The following TVP23A variants were observed in gnomAD, a reference collection of about 807,000 sequenced individuals.
The protein encoded by TVP23A is Golgi apparatus membrane protein TVP23 homolog A.
Under a neutral mutation model 31.7 loss-of-function variants are expected in TVP23A, and 21 were observed. That is an observed-to-expected ratio of 0.66 (90% CI 0.47 to 0.95). TVP23A has a LOEUF of 0.95. Among genes scored for constraint, TVP23A ranks in the 40% least tolerant of loss-of-function variants. The pLI, the probability that TVP23A is intolerant of heterozygous loss-of-function variation, is 0.00. For synonymous variants in TVP23A, 104 were observed against 96.0 expected (o/e 1.08, Z -0.49); for missense variants, 279 against 255.6 (o/e 1.09, Z -0.62).
downstream of TVP23A, chr16:10,761,168 T>G: frequency 2.0e-6 from 1 of 489,350 alleles, no homozygotes; most frequent in Non-Finnish European, 3.7e-6. Flanking sequence ...CCTGTTCCTG[T>G]AGGGATGTAG....
chr16:10,798,554 A>G (rs563816072), intron 2 of TVP23A, among the ~76,000 whole-genome samples: 3 of 152,220 alleles, frequency 2.0e-5, no homozygotes, highest in African/African-American at 7.2e-5. Context: ...ACGTCTCACA[A>G]TGAAGCAGGG....
At chr16:10,803,004 C>A (rs1401742093) in intron 2 of TVP23A, among the ~76,000 whole-genome samples, 1 of 152,092 alleles carries the variant, frequency 6.6e-6, no homozygotes, top group Non-Finnish European at 1.5e-5. Flanking sequence ...AGCTGAGAGG[C>A]TGGACGCAGT....
At position 10,767,982 on chromosome 16, in the gene TVP23A, T is replaced by G. The variant is rs143719398; in HGVS notation, c.*1120A>C. The stretch of plus-strand genomic sequence containing the variant: ...TGTGACAAAGGCCAGTCTTTTTTCA[T>G]TGACGCCCCAGATTCCCCAGCCACG... On this transcript the variant is annotated 3_prime_UTR_variant, in exon 8 of 8. Transcript: ENST00000299866. The surrounding 1 kb of genome is among the most constrained non-coding windows in gnomAD (Gnocchi z 4.6). 128 of 1,614,210 alleles carry G rather than the reference T, an allele frequency of 7.9e-5. No individual in the cohort carries two copies. The African/African-American group carries it at 1.2e-3, about 15-fold the overall frequency.
chr16:10,760,977 C>T (rs1171274838), downstream of TVP23A: 2 of 191,812 alleles, frequency 1.0e-5, no homozygotes, highest in East Asian at 2.8e-4. Context: ...CCCCAGGAAA[C>T]TTAACAATCA....
At chr16:10,764,254 G>C (rs1400858539), downstream of TVP23A, among the ~76,000 whole-genome samples, 1 of 152,282 alleles carries the variant, frequency 6.6e-6, no homozygotes, top group Non-Finnish European at 1.5e-5. Context: ...GCCTGCTGGA[G>C]CACCTCAGTG....
rs531769196 is a variant in TVP23A, at chr16:10,777,867, T to C, written c.90-2771A>G. On this transcript the variant is annotated intron_variant, in intron 2 of 7. Transcript: ENST00000299866. The surrounding 1 kb of genome is among the most constrained non-coding windows in gnomAD (Gnocchi z 4.5). ...CTCTACTAAAAATACAAAAATTAGC[T>C]GAGCGTGGTGGTGGGCGCCTGTAGT... Among the ~76,000 whole-genome samples the C allele has an allele frequency of 2.2e-4, 33 of 151,472 alleles. No homozygotes were observed. Among genetic ancestry groups the C allele is most frequent in the African/African-American group, 4.9e-4 (20 of 41,152 alleles).
chr16:10,789,383 T>C (rs954970879), intron 2 of TVP23A, among the ~76,000 whole-genome samples: 1 of 152,056 alleles, frequency 6.6e-6, no homozygotes, highest in African/African-American at 2.4e-5. Context: ...CTCTAAAACA[T>C]TTGATGAGAT....
chr16:10,791,460 T>G (rs1023834003), intron 2 of TVP23A, among the ~76,000 whole-genome samples: 1 of 152,262 alleles, frequency 6.6e-6, no homozygotes, highest in African/African-American at 2.4e-5. Context: ...AAGAGCAGCC[T>G]GTAAAATCCA....
chr16:10,815,042 A>G, intron 2 of TVP23A, among the ~76,000 whole-genome samples: 1 of 151,994 alleles, frequency 6.6e-6, no homozygotes, highest in East Asian at 1.9e-4. Flanking sequence ...CTTAGCTGGT[A>G]CCTCCTTCTC....
intron 2 of TVP23A, among the ~76,000 whole-genome samples, chr16:10,776,547 T>C (rs1221324280): frequency 6.6e-6 from 1 of 152,132 alleles, no homozygotes; most frequent in Non-Finnish European, 1.5e-5. Flanking sequence ...GATACTCAAC[T>C]ATGATCAGGA....
chr16:10,782,243 G>C (rs2032472404), intron 2 of TVP23A, among the ~76,000 whole-genome samples: 1 of 151,962 alleles, frequency 6.6e-6, no homozygotes, highest in African/African-American at 2.4e-5. Flanking sequence ...CTGCAACCTT[G>C]GCATTATCAG....
At chr16:10,789,351 T>C (rs2032960682) in intron 2 of TVP23A, among the ~76,000 whole-genome samples, 1 of 152,068 alleles carries the variant, frequency 6.6e-6, no homozygotes, top group South Asian at 2.1e-4. Flanking sequence ...CAAAAAAATG[T>C]GTTGATGAAA....
chr16:10,773,198 A>C (rs566654502), intron 5 of TVP23A, 115 bp downstream of exon 5: 1 of 1,341,828 alleles, frequency 7.5e-7, no homozygotes, highest in Non-Finnish European at 1.0e-6. Flanking sequence ...ATATCTCAAT[A>C]AACTTGTTAT....
chr16:10,785,075 T>G (rs2142961999), intron 2 of TVP23A, among the ~76,000 whole-genome samples: 1 of 139,674 alleles, frequency 7.2e-6, no homozygotes, highest in Non-Finnish European at 1.5e-5. Flanking sequence ...CCAGCCTGGG[T>G]GACAAAGCGA....
Position 10,816,959 on chromosome 16 carries a change from ACAC to A in TVP23A, c.89+1141_89+1143del, listed in dbSNP as rs534832581. On this transcript the variant is annotated intron_variant, in intron 2 of 7. Coordinates refer to ENST00000299866, the MANE Select transcript of TVP23A (RefSeq NM_001079512.4). ...CACACACACACACACACACACACAC[ACAC>A]GTCACCTGACCATGGAACAGAGAGA... Among the ~76,000 whole-genome samples the A allele has an allele frequency of 2.5e-4, 37 of 146,822 alleles. No homozygotes were observed. The East Asian group carries it at 7.1e-3, about 28-fold the overall frequency.
chr16:10,785,175 C>G (rs896901923), intron 2 of TVP23A, among the ~76,000 whole-genome samples: 25 of 151,334 alleles, frequency 1.7e-4, no homozygotes, highest in Non-Finnish European at 2.8e-4. Flanking sequence ...GAGGCCAAGG[C>G]GGGTGGATCA....
intron 2 of TVP23A, among the ~76,000 whole-genome samples, chr16:10,812,224 C>T (rs907593591): frequency 9.9e-5 from 15 of 152,174 alleles, no homozygotes; most frequent in East Asian, 7.7e-4. Context: ...TTATCACACC[C>T]ATGAGGTGGT....
intron 2 of TVP23A, among the ~76,000 whole-genome samples, chr16:10,783,160 T>C (rs1299442709): frequency 1.3e-5 from 2 of 152,130 alleles, no homozygotes; most frequent in African/African-American, 4.8e-5. Context: ...TGACTACATG[T>C]GTGTAAAAAT....
At chr16:10,786,415 G>A (rs551462144) in intron 2 of TVP23A, among the ~76,000 whole-genome samples, 1 of 151,900 alleles carries the variant, frequency 6.6e-6, no homozygotes, top group Non-Finnish European at 1.5e-5. Context: ...CTCCAGCCTG[G>A]GGACAGAGGG....
Sources: gnomAD v4.1 joint callset for allele counts (sites outside exome capture counted in the v4.1 genomes callset) on GRCh38, gnomAD v4.1.1 for gene constraint, Gnocchi (gnomAD v3.1) non-coding constraint, MANE v1.5 for transcripts, NCBI Gene and HGNC (gene_info 2026-07-23, HGNC 2026-07-21) for gene names.